The following TSPEAR variants were observed in gnomAD, a reference collection of about 807,000 sequenced individuals.
The protein encoded by TSPEAR is thrombospondin type laminin G domain and EAR repeats, also known as thrombospondin-type laminin G domain and EAR repeat-containing protein.
TSPEAR carries 69 observed loss-of-function variants against 71.6 expected under a neutral mutation model. The observed-to-expected ratio is 0.96, with a 90% CI of 0.79 to 1.18. TSPEAR has a LOEUF of 1.18. Ranked by LOEUF, TSPEAR falls within the 50% of genes most tolerant of loss-of-function variation. TSPEAR has a pLI of 0.00. For missense variants in TSPEAR, 971 were observed against 894.9 expected (o/e 1.09, Z -1.09); for synonymous variants, 402 against 387.2 (o/e 1.04, Z -0.45).
rs374419511 is a variant in TSPEAR, at chr21:44,642,791, G to A, written c.82+68642C>T. Among the ~76,000 whole-genome samples, 317 of 152,020 alleles carry A rather than the reference G, an allele frequency of 2.1e-3. No homozygotes were observed. The highest frequency in any genetic ancestry group is 0.014 in the Middle Eastern group (4 of 294). On this transcript the variant is annotated intron_variant, in intron 1 of 11. Coordinates refer to ENST00000323084, the MANE Select transcript of TSPEAR (RefSeq NM_144991.3). The surrounding 1 kb of genome is among the most constrained non-coding windows in gnomAD (Gnocchi z 4.1). ...TGGGAGGCAGAGCTTGCAGTGAGCC[G>A]AGATTGTGCCACTGCACTCCAGCCT...
At chr21:44,515,967 TGG>T (rs1270326543) in intron 9 of TSPEAR, 2 of 152,276 alleles carry the variant, frequency 1.3e-5, no homozygotes, top group Non-Finnish European at 2.9e-5. Flanking sequence ...TCCATCCCCA[TGG>T]GGCAGGCACA....
At chr21:44,701,868 G>A (rs1247681161) in intron 1 of TSPEAR, among the ~76,000 whole-genome samples, 2 of 152,152 alleles carry the variant, frequency 1.3e-5, no homozygotes, top group African/African-American at 4.8e-5. Context: ...ACACTAGAAC[G>A]TGTCCCCCCT....
chr21:44,558,353 C>T (rs375640907), intron 2 of TSPEAR: 2 of 1,612,712 alleles, frequency 1.2e-6, no homozygotes, highest in South Asian at 1.1e-5. Context: ...AGCAGATGGG[C>T]TTGCAGCAGA....
At chr21:44,557,809 T>C in intron 2 of TSPEAR, 1 of 569,222 alleles carries the variant, frequency 1.8e-6, no homozygotes, top group Non-Finnish European at 3.1e-6. Flanking sequence ...TTGGTGACTT[T>C]ATTTGTTGAC....
At chr21:44,650,200 G>A (rs1461961169) in intron 1 of TSPEAR, among the ~76,000 whole-genome samples, 1 of 144,746 alleles carries the variant, frequency 6.9e-6, no homozygotes, top group Non-Finnish European at 1.5e-5. Flanking sequence ...TGGGTGACCA[G>A]GCAAGACCCT....
At chr21:44,709,010 G>A (rs1290784408) in intron 1 of TSPEAR, among the ~76,000 whole-genome samples, 4 of 152,210 alleles carry the variant, frequency 2.6e-5, no homozygotes, top group African/African-American at 9.6e-5. Flanking sequence ...CACCGCTGAC[G>A]GTTCCTGGGG....
chr21:44,615,965 C>G (rs1982066188), intron 1 of TSPEAR, among the ~76,000 whole-genome samples: 1 of 152,222 alleles, frequency 6.6e-6, no homozygotes, highest in Non-Finnish European at 1.5e-5. Context: ...CCAGGGACGC[C>G]AAAGCCACTG....
intron 1 of TSPEAR, among the ~76,000 whole-genome samples, chr21:44,706,492 C>T (rs78171923): frequency 2.1e-5 from 2 of 96,876 alleles, no homozygotes; most frequent in African/African-American, 3.5e-5. Flanking sequence ...CACACCCACG[C>T]GCACACACCG....
At chr21:44,558,342 C>G (rs782070531) in intron 2 of TSPEAR, 4 of 1,613,460 alleles carry the variant, frequency 2.5e-6, no homozygotes, top group Non-Finnish European at 3.4e-6. Flanking sequence ...GACGGGCACA[C>G]AGCAGATGGG....
At chr21:44,632,806 T>G (rs1983331528) in intron 1 of TSPEAR, among the ~76,000 whole-genome samples, 1 of 152,200 alleles carries the variant, frequency 6.6e-6, no homozygotes, top group Non-Finnish European at 1.5e-5. Flanking sequence ...ATCGTGCCAC[T>G]GCTCTCCAGC....
chr21:44,516,089 C>T (rs1212077001), intron 9 of TSPEAR: 1 of 152,284 alleles, frequency 6.6e-6, no homozygotes, highest in Non-Finnish European at 1.5e-5. Flanking sequence ...GTTTCCACAC[C>T]TGTGAGATGG....
intron 9 of TSPEAR, chr21:44,517,704 G>T (rs1443396703): frequency 6.4e-6 from 3 of 466,832 alleles, no homozygotes; most frequent in African/African-American, 4.0e-5. Flanking sequence ...GCATGGCAGT[G>T]GCCAGCGTCC....
At position 44,627,256 on chromosome 21, in the gene TSPEAR, C is replaced by T. The variant is rs200057010; in HGVS notation, c.83-59251G>A. 1.1e-4 allele frequency: 176 copies of T among 1,612,514 alleles called. No homozygotes were observed. Among genetic ancestry groups the T allele is most frequent in the Non-Finnish European group, 1.4e-4 (167 of 1,179,980 alleles). ...CGACTGCCCAGAGAGCTGCTGTGAG[C>T]CCCCCTGCTGCGCCACCAGCTGCTG... On this transcript the variant is annotated intron_variant, in intron 1 of 11. Coordinates refer to ENST00000323084, the MANE Select transcript of TSPEAR (RefSeq NM_144991.3).
chr21:44,704,228 C>G (rs2146334092), intron 1 of TSPEAR, among the ~76,000 whole-genome samples: 1 of 67,440 alleles, frequency 1.5e-5, no homozygotes, highest in African/African-American at 5.8e-5. Flanking sequence ...GGACCCTGCC[C>G]CCTGCTTCCC....
chr21:44,701,750 G>A (rs1987657164), intron 1 of TSPEAR, among the ~76,000 whole-genome samples: 1 of 85,826 alleles, frequency 1.2e-5, no homozygotes, highest in Admixed American at 1.5e-4. Flanking sequence ...CTCCCCTCCG[G>A]CTGTAAAGCT....
chr21:44,646,855 C>T, intron 1 of TSPEAR: 1 of 1,577,046 alleles, frequency 6.3e-7, no homozygotes, highest in Non-Finnish European at 8.6e-7. Context: ...GTCTAGCTGC[C>T]AGCCAGCTTG....
intron 2 of TSPEAR, chr21:44,539,211 G>C: frequency 6.5e-7 from 1 of 1,537,884 alleles, no homozygotes; most frequent in Non-Finnish European, 8.7e-7. Flanking sequence ...TCCTAGGTGG[G>C]GGAAGCCACC....
At chr21:44,636,901 C>G (rs1487102197) in intron 1 of TSPEAR, among the ~76,000 whole-genome samples, 3 of 151,626 alleles carry the variant, frequency 2.0e-5, no homozygotes, top group Non-Finnish European at 4.4e-5. Flanking sequence ...ACATCAGGAT[C>G]TCAGAAGATC....
chr21:44,697,577 G>T, intron 1 of TSPEAR: 1 of 1,612,676 alleles, frequency 6.2e-7, no homozygotes, highest in South Asian at 1.1e-5. Flanking sequence ...CGTCTGCTGT[G>T]GGCCTTCTTC....
Sources: gnomAD v4.1 joint callset for allele counts (sites outside exome capture counted in the v4.1 genomes callset) on GRCh38, gnomAD v4.1.1 for gene constraint, Gnocchi (gnomAD v3.1) non-coding constraint, MANE v1.5 for transcripts, NCBI Gene and HGNC (gene_info 2026-07-23, HGNC 2026-07-21) for gene names.